The following FSTL4 variants were observed in gnomAD, a reference collection of about 807,000 sequenced individuals.
FSTL4 encodes the protein follistatin-related protein 4.
FSTL4 carries 28 observed loss-of-function variants against 78.2 expected under a neutral mutation model. The observed-to-expected ratio is 0.36, with a 90% confidence interval of 0.27 to 0.49. The LOEUF (loss-of-function observed/expected upper bound fraction) is 0.49, where lower values mean the gene tolerates loss of function less well. FSTL4 is among the 20% of genes least tolerant of loss of function. The pLI is 0.98. For synonymous variants in FSTL4, 422 were observed against 440.5 expected, an observed-to-expected ratio of 0.96 and a Z score of 0.53; for missense variants, 922 against 1,084.9, an observed-to-expected ratio of 0.85 and a Z score of 2.11.
Position 133,225,683 on chromosome 5 carries a change from C to A in FSTL4, c.1152G>T (p.Gln384His). 1 of 1,607,258 alleles carries A rather than the reference C, an allele frequency of 6.2e-7. No homozygotes were observed. The highest frequency in any genetic ancestry group is 1.3e-5 in the African/African-American group (1 of 74,806). The change falls in exon 9 of 16, where the codon CAG becomes CAT. Residue 384 changes from glutamine to histidine, a missense_variant. Transcript: ENST00000265342. The surrounding 1 kb of genome is among the most constrained non-coding windows in gnomAD (Gnocchi z 4.6). ...WLKNGVDVST[Q>H]MSKQLSLLAN... ...CTAAAAGGGAGAGCTGTTTGGACAT[C>A]TGAGTTGAGACATCCACGCCGTTTT...
chr5:133,442,408 T>C (rs2127003951), intron 3 of FSTL4, among the ~76,000 whole-genome samples: 1 of 152,332 alleles, frequency 6.6e-6, no homozygotes, highest in African/African-American at 2.4e-5. Context: ...AATAGAGCTA[T>C]GCTTGCATGG....
rs1751657056 is a variant in FSTL4, at chr5:133,236,238, A to G, written c.895-2701T>C. ...CATCACCACCTGTGTGGTGGTGTTT[A>G]GTCATCAGCACCACCACATTCCTCA... On this transcript the variant is annotated intron_variant, in intron 7 of 15. Coordinates refer to ENST00000265342, the MANE Select transcript of FSTL4 (RefSeq NM_015082.2). This position sits in a 1 kb window ranked among gnomAD's most constrained non-coding sequence, Gnocchi z 5.0. Among the ~76,000 whole-genome samples the G allele has an allele frequency of 6.8e-6, 1 of 147,034 alleles. No individual in the cohort carries two copies. The highest frequency in any genetic ancestry group is 6.7e-5 in the Admixed American group (1 of 15,018).
the FSTL4 span, among the ~76,000 whole-genome samples, chr5:133,812,637 C>T: frequency 2.0e-5 from 3 of 152,250 alleles, no homozygotes; most frequent in Admixed American, 1.3e-4. Flanking sequence ...GTCCCCACTC[C>T]ATCCCCCATC....
At chr5:133,642,383 G>A in the FSTL4 span, among the ~76,000 whole-genome samples, 1 of 152,308 alleles carries the variant, frequency 6.6e-6, no homozygotes, top group East Asian at 1.9e-4. Flanking sequence ...TTTGGCCACT[G>A]TTCCTCAAAG....
intron 3 of FSTL4, among the ~76,000 whole-genome samples, chr5:133,439,943 A>C (rs1297863520): frequency 6.6e-6 from 1 of 152,134 alleles, no homozygotes; most frequent in African/African-American, 2.4e-5. Flanking sequence ...GGGCGTGGAC[A>C]CCCTGGGAGG....
intron 3 of FSTL4, among the ~76,000 whole-genome samples, chr5:133,403,583 C>G (rs549100878): frequency 1.3e-5 from 2 of 152,284 alleles, no homozygotes; most frequent in South Asian, 4.1e-4. Context: ...GCTAGGGGCT[C>G]GGATGGGGAG....
the FSTL4 span, among the ~76,000 whole-genome samples, chr5:133,712,701 T>C: frequency 6.6e-6 from 1 of 152,212 alleles, no homozygotes. Flanking sequence ...AGCTATCAGG[T>C]TGCTCGTGGA....
At chr5:133,527,501 A>C (rs972324885) in intron 3 of FSTL4, among the ~76,000 whole-genome samples, 18 of 150,932 alleles carry the variant, frequency 1.2e-4, no homozygotes, top group East Asian at 3.9e-4. Flanking sequence ...ACACACACAC[A>C]CCCATAAGTG....
chr5:133,600,473 G>T (rs923307845), intron 2 of FSTL4, among the ~76,000 whole-genome samples: 5 of 152,020 alleles, frequency 3.3e-5, no homozygotes, highest in Admixed American at 2.0e-4. Context: ...GTACCTCTCA[G>T]AATTGTTTCC....
chr5:133,442,799 G>A (rs1322692664), intron 3 of FSTL4, among the ~76,000 whole-genome samples: 1 of 152,176 alleles, frequency 6.6e-6, no homozygotes, highest in African/African-American at 2.4e-5. Flanking sequence ...CAGTGGCAAA[G>A]CCTGCATTAT....
the FSTL4 span, among the ~76,000 whole-genome samples, chr5:133,794,767 G>A: frequency 6.6e-6 from 1 of 152,136 alleles, no homozygotes; most frequent in African/African-American, 2.4e-5. Flanking sequence ...CTGTATCCAA[G>A]CACACACCAC....
At chr5:133,599,390 G>A (rs1008397233) in intron 2 of FSTL4, among the ~76,000 whole-genome samples, 4 of 152,000 alleles carry the variant, frequency 2.6e-5, no homozygotes, top group Non-Finnish European at 4.4e-5. Context: ...TTAGGGAGGC[G>A]GGGAATCATG....
At chr5:133,474,377 C>G (rs905322731) in intron 3 of FSTL4, among the ~76,000 whole-genome samples, 2 of 152,300 alleles carry the variant, frequency 1.3e-5, no homozygotes, top group South Asian at 2.1e-4. Context: ...CACAGCACCC[C>G]CCGGAACACA....
At chr5:133,597,934 T>C (rs73283832) in intron 2 of FSTL4, among the ~76,000 whole-genome samples, 14,237 of 151,932 alleles carry the variant, frequency 0.094, 809 homozygotes, top group African/African-American at 0.16. Context: ...AATCACCTCT[T>C]TCAGAATTTA....
chr5:133,469,771 T>A (rs1482796916), intron 3 of FSTL4, among the ~76,000 whole-genome samples: 1 of 152,076 alleles, frequency 6.6e-6, no homozygotes, highest in African/African-American at 2.4e-5. Flanking sequence ...GAACATTCAC[T>A]GGCGCACAGG....
intron 4 of FSTL4, among the ~76,000 whole-genome samples, chr5:133,339,482 C>T (rs1346284577): frequency 6.6e-6 from 1 of 152,124 alleles, no homozygotes; most frequent in Non-Finnish European, 1.5e-5. Flanking sequence ...GACACCCCCT[C>T]AGAACATCGA....
At chr5:133,491,836 TTGAC>T (rs1758273190) in intron 3 of FSTL4, among the ~76,000 whole-genome samples, 1 of 152,248 alleles carries the variant, frequency 6.6e-6, no homozygotes, top group Admixed American at 6.5e-5. Context: ...AAAATTGCTA[TTGAC>T]TAACAGATAA....
chr5:133,404,619 A>T (rs1425507689), intron 3 of FSTL4, among the ~76,000 whole-genome samples: 3 of 152,132 alleles, frequency 2.0e-5, no homozygotes, highest in Non-Finnish European at 4.4e-5. Context: ...CTGAATAAGG[A>T]TTTTCAATAA....
At chr5:133,250,827 C>T (rs1236676567) in intron 6 of FSTL4, among the ~76,000 whole-genome samples, 5 of 152,234 alleles carry the variant, frequency 3.3e-5, no homozygotes, top group East Asian at 1.9e-4. Context: ...TGAGTGGCTC[C>T]GCCCTGGGCT....
Sources: gnomAD v4.1 joint callset for allele counts (sites outside exome capture counted in the v4.1 genomes callset) on GRCh38, gnomAD v4.1.1 for gene constraint, Gnocchi (gnomAD v3.1) non-coding constraint, MANE v1.5 for transcripts, NCBI Gene and HGNC (gene_info 2026-07-23, HGNC 2026-07-21) for gene names.